The following PKD1 variants were observed in gnomAD, a reference collection of about 807,000 sequenced individuals.
PKD1 encodes polycystin-1.
A neutral mutation model predicts 361.7 loss-of-function variants in PKD1; 81 were observed. That is an observed-to-expected ratio of 0.22 (90% confidence interval 0.19 to 0.27). The LOEUF is 0.27. Ranked by LOEUF, PKD1 falls within the 10% of genes least tolerant of loss-of-function variation. The pLI is 1.00. For missense variants in PKD1, 6,399 were observed against 6,118.3 expected (o/e 1.05, Z -1.53); for synonymous variants, 3,615 against 2,818.3 (o/e 1.28, Z -8.95).
At position 2,111,813 on chromosome 16, in the gene PKD1, C is replaced by T. The variant is rs1389018172; in HGVS notation, c.3354G>A (p.Val1118=). The T allele has an allele frequency of 9.3e-6, 15 of 1,609,952 alleles. No homozygotes were observed. The highest frequency in any genetic ancestry group is 1.2e-5 in the Non-Finnish European group (14 of 1,179,348). The change falls in exon 15 of 46, where the codon GTG becomes GTA. Residue 1118 remains valine (V), a synonymous_variant. Transcript: ENST00000262304. ...SNAFENLTQQ[V]PVSVRASLPS... The stretch of plus-strand genomic sequence containing the variant: ...GCAGGGAGGCGCGCACGCTCACAGG[C>T]ACCTGCTGCGTCAGGTTCTCGAAGG...
chr16:2,101,364 A>G (rs963082531), intron 26 of PKD1, among the ~76,000 whole-genome samples: 2 of 152,158 alleles, frequency 1.3e-5, no homozygotes, highest in Non-Finnish European at 2.9e-5. Context: ...AAATGGGAAC[A>G]CAGCCAGGTG....
At position 2,109,698 on chromosome 16, in the gene PKD1, C is replaced by A. The variant is rs756513436; in HGVS notation, c.5469G>T (p.Val1823=). Residue 1823 remains valine, a synonymous_variant, in exon 15 of 46, where the codon GTG becomes GTT. Coordinates refer to ENST00000262304, the MANE Select transcript of PKD1 (RefSeq NM_001009944.3). The stretch of plus-strand genomic sequence containing the variant: ...CCGTGGCCAGCTGCCCCCAAAAGGG[C>A]ACAGAGGACCCGGCCGCCACGAAGC... The part of the protein sequence containing the change: ...GGSFVAAGSS[V]PFWGQLATGT... 26 of 1,595,446 alleles carry A rather than the reference C, an allele frequency of 1.6e-5. No homozygotes were observed. Among genetic ancestry groups the A allele is most frequent in the Non-Finnish European group, 2.2e-5 (26 of 1,172,584 alleles).
chr16:2,104,472 G>C (rs767504008), intron 22 of PKD1, 26 bp downstream of exon 22: 3 of 1,487,724 alleles, frequency 2.0e-6, no homozygotes, highest in Admixed American at 2.0e-5. Context: ...GGGCGGGCGG[G>C]TGGCATGGGG....
Position 2,097,728 on chromosome 16 carries a change from C to T in PKD1, c.10220G>A (p.Ser3407Asn). The T allele has an allele frequency of 6.2e-7, 1 of 1,611,116 alleles. No homozygotes were observed. The highest frequency in any genetic ancestry group is 8.5e-7 in the Non-Finnish European group (1 of 1,179,786). Residue 3407 changes from serine to asparagine, a missense_variant and splice_region_variant, in exon 32 of 46, where the codon AGT becomes AAT. Physicochemically the swap from Ser to Asn is conservative, Grantham distance 46. Transcript: ENST00000262304. ...CTCGAGGTTTCTCTAGGGAACCCAC[C>T]TCTTAGAATCATCCAGAAACAAGTC... ...KSDLFLDDSK[S>N]LVCWPSGEGT...
Position 2,100,080 on chromosome 16 carries a change from C to T in PKD1, c.9713-9G>A. The stretch of plus-strand genomic sequence containing the variant: ...CAAAAGGGCTGCGTCGCCTAGAAGG[C>T]AGGGAGGGCCGCACTGCAGGAGGCC... On this transcript the variant is annotated splice_polypyrimidine_tract_variant and intron_variant, in intron 28 of 45. Coordinates refer to ENST00000262304, the MANE Select transcript of PKD1 (RefSeq NM_001009944.3). This position sits in a 1 kb window ranked among gnomAD's most constrained non-coding sequence, Gnocchi z 4.4. 1 of 1,603,046 alleles carries T rather than the reference C, an allele frequency of 6.2e-7. No homozygotes were observed. The highest frequency in any genetic ancestry group is 8.5e-7 in the Non-Finnish European group (1 of 1,176,226).
chr16:2,123,400 G>T (rs192877685), intron 1 of PKD1: 1 of 454,378 alleles, frequency 2.2e-6, no homozygotes, highest in South Asian at 1.6e-5. Context: ...CATCTGCCCT[G>T]GGCAGGACTC....
chr16:2,090,559 C>T lies in PKD1; in HGVS notation c.12170G>A (p.Ser4057Asn), dbSNP rs763170710. The change falls in exon 45 of 46, where the codon AGC (serine) becomes AAC (asparagine). Residue 4057 changes from serine to asparagine, a missense_variant. Transcript: ENST00000262304. ...CAGCACCAACAGGGCCTGGGCCACGCTCCAGAGGGAGTCCACACAGGAAGA... is the reference window on the plus strand; with the variant it reads ...CAGCACCAACAGGGCCTGGGCCACGTTCCAGAGGGAGTCCACACAGGAAGA... Reference protein sequence around the residue: ...LVSSCVDSLWSVAQALLVLCP... With the variant: ...LVSSCVDSLWNVAQALLVLCP... 9 of 1,609,286 alleles carry T rather than the reference C, an allele frequency of 5.6e-6. No individual in the cohort carries two copies. The Admixed American group carries it at 1.5e-4, about 27-fold the overall frequency.
chr16:2,107,273 G>A (rs924279752), intron 16 of PKD1: 22 of 424,164 alleles, frequency 5.2e-5, no homozygotes, highest in African/African-American at 4.3e-4. Context: ...TGTGAGGACC[G>A]CAGCTGCCAC....
chr16:2,100,205 C>A lies in PKD1; in HGVS notation c.9673G>T (p.Ala3225Ser). The A allele has an allele frequency of 6.2e-7, 1 of 1,610,064 alleles. No individual in the cohort carries two copies. Among genetic ancestry groups the A allele is most frequent in the Non-Finnish European group, 8.5e-7 (1 of 1,179,276 alleles). Reference protein sequence around the residue: ...VNDWLSVETEANGGLVEKEVL... With the variant: ...VNDWLSVETESNGGLVEKEVL... ...TCCTTCTCCACCAGGCCCCCGTTGG[C>A]CTCCGTCTCCACCGAAAGCCAGTCA... Residue 3225 changes from alanine (A) to serine (S), a missense_variant, in exon 28 of 46, where the codon GCC becomes TCC. Ala to Ser is a moderately conservative substitution (Grantham distance 99, BLOSUM62 1). Coordinates refer to ENST00000262304, the MANE Select transcript of PKD1 (RefSeq NM_001009944.3). The surrounding 1 kb of genome is among the most constrained non-coding windows in gnomAD (Gnocchi z 4.4).
chr16:2,114,050 C>T (rs1489566830), intron 11 of PKD1, 120 bp downstream of exon 11: 3 of 876,680 alleles, frequency 3.4e-6, no homozygotes, highest in South Asian at 3.2e-5. Context: ...TGCCCGGGGC[C>T]GACGTCCCCA....
chr16:2,093,590 G>T lies in PKD1; in HGVS notation c.10970C>A (p.Ala3657Asp). The change falls in exon 37 of 46, where the codon GCC becomes GAC. Residue 3657 changes from alanine (A) to aspartate (D), a missense_variant. Ala to Asp is a moderately radical substitution (Grantham distance 126). Transcript: ENST00000262304. Reference sequence around the variant, plus strand: ...CTTGACCTTGCGGGCTTCTTCCTTGGCCAGGAAGAGTGCAAAGCCGTGGGG... The same window carrying T: ...CTTGACCTTGCGGGCTTCTTCCTTGTCCAGGAAGAGTGCAAAGCCGTGGGG... ...RPPHGFALFL[A>D]KEEARKVKRL... is the part of the protein sequence containing the mutation. 6.2e-7 allele frequency: 1 copy of T among 1,608,482 alleles called. No individual in the cohort carries two copies. The highest frequency in any genetic ancestry group is 8.5e-7 in the Non-Finnish European group (1 of 1,177,810).
chr16:2,097,205 AC>A lies in PKD1; in HGVS notation c.10441del (p.Val3481SerfsTer46), dbSNP rs2091884240. On this transcript the variant is annotated frameshift_variant, in exon 34 of 46. Transcript: ENST00000262304. LOFTEE classifies it high-confidence loss of function. ...DLIQQVLAEG[V>X]SSPAPTQDTH... Reference sequence around the variant, plus strand: ...GTCTTGGGTAGGGGCTGGGCTGCTGACCCCCTCGGCAAGGACCTGCTGGATC... The same window carrying A: ...GTCTTGGGTAGGGGCTGGGCTGCTGACCCCTCGGCAAGGACCTGCTGGATC... 6.4e-7 allele frequency: 1 copy of A among 1,568,174 alleles called. No homozygotes were observed. The highest frequency in any genetic ancestry group is 1.2e-5 in the South Asian group (1 of 85,860).
chr16:2,110,609 T>G lies in PKD1; in HGVS notation c.4558A>C (p.Thr1520Pro). ...GPEVTHAYNS[T>P]GDFTVRVAGW... ...GCCACCCTAACGGTGAAGTCACCTG[T>G]GCTGTTGTAAGCGTGGGTGACCTCC... The change falls in exon 15 of 46, where the codon ACA becomes CCA. Residue 1520 changes from threonine (T) to proline (P), a missense_variant. By Grantham distance (38) the Thr-to-Pro change is conservative. Coordinates refer to ENST00000262304, the MANE Select transcript of PKD1 (RefSeq NM_001009944.3). 1 of 1,610,558 alleles carries G rather than the reference T, an allele frequency of 6.2e-7. No individual in the cohort carries two copies. The highest frequency in any genetic ancestry group is 8.5e-7 in the Non-Finnish European group (1 of 1,179,596).
Position 2,132,807 on chromosome 16 carries a change from C to T in PKD1, c.215+2668G>A, listed in dbSNP as rs1042931787. 3.4e-5 allele frequency among the ~76,000 whole-genome samples: 5 copies of T among 148,846 alleles called. No homozygotes were observed. The South Asian group carries it at 8.5e-4, about 25-fold the overall frequency. On this transcript the variant is annotated intron_variant, in intron 1 of 45. Coordinates refer to ENST00000262304, the MANE Select transcript of PKD1 (RefSeq NM_001009944.3). The stretch of plus-strand genomic sequence containing the variant: ...GTTCAAAACATGGGTCAGGGCTGGG[C>T]GTGGTGGCTCATGCCTGTAATCCCA...
chr16:2,106,048 G>A lies in PKD1; in HGVS notation c.7704-24C>T, dbSNP rs1173669375. 4.4e-6 allele frequency: 7 copies of A among 1,606,746 alleles called. No homozygotes were observed. The highest frequency in any genetic ancestry group is 4.0e-5 in the African/African-American group (3 of 74,100). Reference sequence around the variant, plus strand: ...ACCTACGAGCAGAGGGGGGTGGTGAGCAGGTGGCAGTCTCGGGGGCGCCCT... The same window carrying A: ...ACCTACGAGCAGAGGGGGGTGGTGAACAGGTGGCAGTCTCGGGGGCGCCCT... On this transcript the variant is annotated intron_variant, in intron 19 of 45. Transcript: ENST00000262304. This position sits in a 1 kb window ranked among gnomAD's most constrained non-coding sequence, Gnocchi z 6.5.
At chr16:2,091,938 C>T in intron 40 of PKD1, 32 bp from the exon 41 acceptor site, 2 of 1,611,678 alleles carry the variant, frequency 1.2e-6, no homozygotes, top group Non-Finnish European at 1.7e-6. Context: ...GGTGCCGCAC[C>T]CCAGCCCTTC....
At position 2,106,228 on chromosome 16, in the gene PKD1, G is replaced by A. The variant is rs373216060; in HGVS notation, c.7566C>T (p.Cys2522=). 1.9e-4 allele frequency: 309 copies of A among 1,610,190 alleles called. 2 individuals carry two copies. In the East Asian group the frequency reaches 3.0e-3, roughly 15 times the overall value. The part of the protein sequence containing the change: ...LLLRRCRQGH[C]EEFCVYKGSL... ...TGCCCTTGTAGACACAGAACTCCTC[G>A]CAGTGGCCCTGGCGACAGCGCCGCA... is the stretch of plus-strand genomic sequence containing the variant. Residue 2522 remains cysteine (C), a synonymous_variant, in exon 19 of 46, where the codon TGC becomes TGT. Transcript: ENST00000262304. The surrounding 1 kb of genome is among the most constrained non-coding windows in gnomAD (Gnocchi z 6.5).
chr16:2,105,974 G>C lies in PKD1; in HGVS notation c.7754C>G (p.Thr2585Arg), dbSNP rs1380689750. The change falls in exon 20 of 46, where the codon ACA becomes AGA. Residue 2585 changes from threonine to arginine, a missense_variant. By Grantham distance (71) the Thr-to-Arg change is moderately conservative (BLOSUM62 -1). Transcript: ENST00000262304. ...AGCGGTGAGCCCGTGCAGCCAGACT[G>C]TGAGCCCCGTTGCGCTGCCGTTGGG... is the stretch of plus-strand genomic sequence containing the variant. The part of the protein sequence containing the change: ...PEPNGSATGL[T>R]VWLHGLTASV... 1 of 1,601,686 alleles carries C rather than the reference G, an allele frequency of 6.2e-7. No individual in the cohort carries two copies. The highest frequency in any genetic ancestry group is 8.5e-7 in the Non-Finnish European group (1 of 1,179,612).
rs1184103588 is a variant in PKD1, at chr16:2,114,274, C to T, written c.2749G>A (p.Ala917Thr). The change falls in exon 11 of 46, where the codon GCC becomes ACC. Residue 917 changes from alanine to threonine, a missense_variant. Coordinates refer to ENST00000262304, the MANE Select transcript of PKD1 (RefSeq NM_001009944.3). ...CGCAGGCTGAGGTTGGCCCGGCTGG[C>T]GCTGTTTTCCACCACCACGTCCACC... ...HVVDVVVENSASRANLSLRVT... is the reference protein window; with the variant it reads ...HVVDVVVENSTSRANLSLRVT... The T allele has an allele frequency of 4.3e-6, 7 of 1,610,380 alleles. No individual in the cohort carries two copies. Among genetic ancestry groups the T allele is most frequent in the Non-Finnish European group, 5.9e-6 (7 of 1,179,602 alleles).
Sources: allele counts gnomAD v4.1 joint callset (sites outside exome capture counted in the v4.1 genomes callset), GRCh38; gene constraint gnomAD v4.1.1; non-coding constraint Gnocchi (gnomAD v3.1); transcripts MANE v1.5; gene names NCBI Gene and HGNC (gene_info 2026-07-23, HGNC 2026-07-21).